The following MSRB3 variants were observed in gnomAD, a reference collection of about 807,000 sequenced individuals.
MSRB3 encodes the protein methionine sulfoxide reductase B3.
MSRB3 carries 13 observed loss-of-function variants against 21.0 expected under a neutral mutation model. That is an observed-to-expected ratio of 0.62 (90% CI 0.40 to 0.98). The LOEUF (loss-of-function observed/expected upper bound fraction) is 0.98. Among genes scored for constraint, MSRB3 ranks in the 50% least tolerant of loss-of-function variants. The probability of loss-of-function intolerance (pLI) is 0.00; values close to 1 mark genes in which losing one functional copy is unlikely to be tolerated. For synonymous variants in MSRB3, 87 were observed against 88.6 expected (o/e 0.98, Z 0.10); for missense variants, 199 against 230.3 (o/e 0.86, Z 0.88).
chr12:65,307,843 A>G (rs904828856), intron 1 of MSRB3, among the ~76,000 whole-genome samples: 3 of 152,206 alleles, frequency 2.0e-5, no homozygotes, highest in Non-Finnish European at 4.4e-5. Flanking sequence ...CATATTTGCC[A>G]TGCTTTATTC....
intron 5 of MSRB3, among the ~76,000 whole-genome samples, chr12:65,397,724 C>T (rs1399642749): frequency 2.0e-5 from 3 of 152,112 alleles, no homozygotes; most frequent in African/African-American, 7.2e-5. Context: ...CCATTATCTA[C>T]ATTAGGTATT....
At chr12:65,391,871 A>G (rs1277670904) in intron 5 of MSRB3, among the ~76,000 whole-genome samples, 1 of 152,224 alleles carries the variant, frequency 6.6e-6, no homozygotes, top group Non-Finnish European at 1.5e-5. Flanking sequence ...TGCTAAAAGA[A>G]AATGGGAGAG....
rs189505696 is a variant in MSRB3, at chr12:65,305,641, A to G, written c.-51-2888A>G. On this transcript the variant is annotated intron_variant, in intron 1 of 6. Transcript: ENST00000308259. ...CAGTCTCTGTGTCTAAAAAGGGGAA[A>G]ATGATAGTATATACCTCATGAGGTT... 4.1e-3 allele frequency among the ~76,000 whole-genome samples: 623 copies of G among 152,262 alleles called. 6 individuals carry two copies. The highest frequency in any genetic ancestry group is 3.3e-3 in the Non-Finnish European group (223 of 68,024).
At chr12:65,412,161 G>T (rs1880748896) in intron 5 of MSRB3, among the ~76,000 whole-genome samples, 1 of 152,062 alleles carries the variant, frequency 6.6e-6, no homozygotes, top group Non-Finnish European at 1.5e-5. Context: ...GCCAGTTCAA[G>T]ATTTTCCTAT....
chr12:65,346,199 C>T (rs1369065296), intron 4 of MSRB3, among the ~76,000 whole-genome samples: 1 of 152,158 alleles, frequency 6.6e-6, no homozygotes, highest in Non-Finnish European at 1.5e-5. Context: ...ACAGTCCCAC[C>T]AACAGTGTAA....
chr12:65,306,081 G>T (rs985216357), intron 1 of MSRB3, among the ~76,000 whole-genome samples: 1 of 152,174 alleles, frequency 6.6e-6, no homozygotes, highest in Non-Finnish European at 1.5e-5. Context: ...CAAGGTCACA[G>T]AATTGGCTAT....
intron 5 of MSRB3, among the ~76,000 whole-genome samples, chr12:65,400,899 G>A (rs555186214): frequency 5.3e-5 from 8 of 152,310 alleles, no homozygotes; most frequent in South Asian, 2.1e-4. Flanking sequence ...AGGTTGTTCA[G>A]TTTCCATGTA....
chr12:65,449,562 G>A (rs905212032), intron 5 of MSRB3, among the ~76,000 whole-genome samples: 1 of 152,122 alleles, frequency 6.6e-6, no homozygotes, highest in African/African-American at 2.4e-5. Context: ...GCTAAAATAT[G>A]TATCATCATT....
In MSRB3 at chr12:65,463,140, G is replaced by A; in HGVS notation, c.391-15G>A. The stretch of plus-strand genomic sequence containing the variant: ...TGTACATGCTTTTCCCTGACGTTTT[G>A]TTCTTCTCTTTCAGTGTGGTGCTCA... On this transcript the variant is annotated splice_polypyrimidine_tract_variant and intron_variant, in intron 6 of 6. Coordinates refer to ENST00000308259, the MANE Select transcript of MSRB3 (RefSeq NM_001031679.3). 6.2e-7 allele frequency: 1 copy of A among 1,613,890 alleles called. No homozygotes were observed.
intron 4 of MSRB3, among the ~76,000 whole-genome samples, chr12:65,366,718 G>A (rs1185626174): frequency 6.6e-6 from 1 of 152,150 alleles, no homozygotes; most frequent in Non-Finnish European, 1.5e-5. Flanking sequence ...CATTCAGGTA[G>A]TATTTTGTTT....
intron 4 of MSRB3, among the ~76,000 whole-genome samples, chr12:65,355,582 T>TG (rs1877335368): frequency 6.6e-6 from 1 of 151,938 alleles, no homozygotes. Flanking sequence ...TGCAATTTTT[T>TG]TTATTCTAAG....
chr12:65,306,310 T>C (rs540943624), intron 1 of MSRB3, among the ~76,000 whole-genome samples: 1 of 152,246 alleles, frequency 6.6e-6, no homozygotes, highest in South Asian at 2.1e-4. Flanking sequence ...ATATTAACTA[T>C]GATTCTTTTG....
chr12:65,362,520 T>A (rs1037022881), intron 4 of MSRB3, among the ~76,000 whole-genome samples: 1 of 152,176 alleles, frequency 6.6e-6, no homozygotes, highest in Admixed American at 6.6e-5. Flanking sequence ...ATTCTGTTTT[T>A]AAGACAGGCT....
chr12:65,372,780 T>C (rs1426623858), intron 5 of MSRB3, among the ~76,000 whole-genome samples: 1 of 152,232 alleles, frequency 6.6e-6, no homozygotes, highest in Non-Finnish European at 1.5e-5. Flanking sequence ...TGATAGGCTA[T>C]ATAAACAGAG....
chr12:65,324,124 A>T (rs1437171124), intron 2 of MSRB3, among the ~76,000 whole-genome samples: 10 of 152,232 alleles, frequency 6.6e-5, no homozygotes, highest in African/African-American at 1.9e-4. Flanking sequence ...CAGTTAGGAA[A>T]CAATATTTAT....
intron 5 of MSRB3, among the ~76,000 whole-genome samples, chr12:65,408,844 G>A (rs998235861): frequency 1.3e-5 from 2 of 152,152 alleles, no homozygotes; most frequent in Admixed American, 6.5e-5. Context: ...AAATTGATTA[G>A]GCTCTGGTAA....
rs1488533861 is a variant in MSRB3 at position 65,418,742 on chromosome 12, TGTCA to T, written c.293-34985_293-34982del. Reference sequence around the variant, plus strand: ...CTGGCTTAATGTCTCAGAACTTTGGTGTCATTGATCTCAGACACCACTTTGCCAT... The same window carrying T: ...CTGGCTTAATGTCTCAGAACTTTGGTTTGATCTCAGACACCACTTTGCCAT... On this transcript the variant is annotated intron_variant, in intron 5 of 6. Transcript: ENST00000308259. 5 of 913,776 alleles carry T rather than the reference TGTCA, an allele frequency of 5.5e-6. No individual in the cohort carries two copies. In the East Asian group the frequency reaches 1.2e-4, roughly 22 times the overall value. 56.6% of individuals were successfully genotyped at this position (913,776 alleles called of 1,614,324 possible).
intron 1 of MSRB3, among the ~76,000 whole-genome samples, chr12:65,298,901 T>C (rs997558978): frequency 1.3e-5 from 2 of 152,226 alleles, no homozygotes; most frequent in Non-Finnish European, 2.9e-5. Flanking sequence ...CTGTAGTTTA[T>C]AGTCCCAGGC....
chr12:65,399,670 G>T (rs923954379), intron 5 of MSRB3, among the ~76,000 whole-genome samples: 7 of 152,172 alleles, frequency 4.6e-5, no homozygotes, highest in Admixed American at 3.9e-4. Flanking sequence ...GGGCATCCTT[G>T]TCTTGTGCTG....
Sources: gnomAD v4.1 joint callset for allele counts (sites outside exome capture counted in the v4.1 genomes callset) on GRCh38, gnomAD v4.1.1 for gene constraint, MANE v1.5 for transcripts, NCBI Gene and HGNC (gene_info 2026-07-23, HGNC 2026-07-21) for gene names.